The following GGNBP2 variants were observed in gnomAD, a reference collection of about 807,000 sequenced individuals.
GGNBP2 encodes gametogenetin-binding protein 2.
GGNBP2 carries 10 observed loss-of-function variants against 85.9 expected under a neutral mutation model. The ratio of observed to expected loss-of-function variants is 0.12; its 90% confidence interval spans 0.07 to 0.20. GGNBP2 has a LOEUF of 0.20. Among genes scored for constraint, GGNBP2 ranks in the 10% least tolerant of loss-of-function variants. The pLI is 1.00. For synonymous variants in GGNBP2, 287 were observed against 285.7 expected, an observed-to-expected ratio of 1.00 and a Z score of -0.05; for missense variants, 595 against 857.8, an observed-to-expected ratio of 0.69 and a Z score of 3.83.
chr17:36,550,741 G>A (rs1008048794), intron 2 of GGNBP2, among the ~76,000 whole-genome samples: 7 of 152,196 alleles, frequency 4.6e-5, no homozygotes. Context: ...TGCTAGCTAT[G>A]GGTAGGGAAC....
In GGNBP2 at chr17:36,578,206, T is replaced by C; in HGVS notation, c.845+20T>C. ...AGGAGGGTATGAGTATGTAATTTGC[T>C]AGAATGGGCTATCTAGCGCTTTGCT... On this transcript the variant is annotated intron_variant, in intron 7 of 13. Coordinates refer to ENST00000613102, the MANE Select transcript of GGNBP2 (RefSeq NM_024835.5). 6.3e-7 allele frequency: 1 copy of C among 1,576,250 alleles called. No homozygotes were observed. The highest frequency in any genetic ancestry group is 8.7e-7 in the Non-Finnish European group (1 of 1,152,930).
At chr17:36,573,323 G>A (rs2074545124) in intron 6 of GGNBP2, among the ~76,000 whole-genome samples, 1 of 152,074 alleles carries the variant, frequency 6.6e-6, no homozygotes, top group Non-Finnish European at 1.5e-5. Flanking sequence ...TTGTTGGTCA[G>A]GCTGGTCTTG....
At chr17:36,545,152 G>A (rs1205671769) in intron 1 of GGNBP2, 55 bp downstream of exon 1, 1 of 153,246 alleles carries the variant, frequency 6.5e-6, no homozygotes, top group African/African-American at 2.4e-5. Flanking sequence ...GCCGCTGCGG[G>A]GTCGATCCCT....
intron 7 of GGNBP2, 38 bp downstream of exon 7, chr17:36,578,224 G>A (rs1379095895): frequency 8.2e-6 from 12 of 1,458,888 alleles, no homozygotes; most frequent in South Asian, 2.4e-5. Context: ...GCTATCTAGC[G>A]CTTTGCTTCA....
chr17:36,576,600 TG>T (rs2074589912), intron 6 of GGNBP2: 1 of 78,012 alleles, frequency 1.3e-5, no homozygotes, highest in Non-Finnish European at 2.5e-5. Flanking sequence ...TATATATGTG[TG>T]TGTGTGTGTG....
At chr17:36,566,462 T>C (rs560434378) in intron 5 of GGNBP2, among the ~76,000 whole-genome samples, 48 of 151,612 alleles carry the variant, frequency 3.2e-4, no homozygotes, top group African/African-American at 1.1e-3. Flanking sequence ...GAGTCGGAGA[T>C]CAGCCTGGGC....
chr17:36,545,519 G>C (rs1348338341), intron 1 of GGNBP2, 100 bp from the exon 2 acceptor site: 4 of 472,256 alleles, frequency 8.5e-6, no homozygotes, highest in African/African-American at 4.1e-5. Flanking sequence ...GGGAAACGCA[G>C]CCCGGCTCTC....
intron 10 of GGNBP2, 126 bp from the exon 11 acceptor site, chr17:36,585,714 T>C: frequency 1.3e-6 from 1 of 798,322 alleles, no homozygotes; most frequent in African/African-American, 1.8e-5. Flanking sequence ...AATCCTTCAT[T>C]GGAAATGTTC....
intron 2 of GGNBP2, among the ~76,000 whole-genome samples, chr17:36,554,441 C>T (rs954510781): frequency 2.4e-5 from 3 of 127,236 alleles, no homozygotes; most frequent in Non-Finnish European, 4.7e-5. Context: ...GATTTCAGCT[C>T]GCTGCAACCT....
chr17:36,571,185 C>T (rs2074520529), intron 6 of GGNBP2, among the ~76,000 whole-genome samples: 1 of 152,112 alleles, frequency 6.6e-6, no homozygotes, highest in African/African-American at 2.4e-5. Context: ...ATAATTCCAA[C>T]ACTTTGGGAA....
rs888754101 is a variant in GGNBP2, at chr17:36,574,656, A to G, written c.642-3327A>G. The stretch of plus-strand genomic sequence containing the variant: ...GTATAGTTACCCAGGGCGGCAGTGT[A>G]GCCCCTGGCTAAGGTGTAGCAGTCA... On this transcript the variant is annotated intron_variant, in intron 6 of 13. Transcript: ENST00000613102. 7 of 596,498 alleles carry G rather than the reference A, an allele frequency of 1.2e-5. No individual in the cohort carries two copies. In the Admixed American group the frequency reaches 1.6e-4, roughly 14 times the overall value. 37.0% of individuals were successfully genotyped at this position (596,498 alleles called of 1,614,324 possible).
chr17:36,574,477 T>G (rs2074557098), intron 6 of GGNBP2: 1 of 268,620 alleles, frequency 3.7e-6, no homozygotes, highest in African/African-American at 2.2e-5. Context: ...TAGCCACAGC[T>G]GGAGCCTGGG....
chr17:36,582,912 A>G (rs1424625279), intron 9 of GGNBP2, among the ~76,000 whole-genome samples: 1 of 152,210 alleles, frequency 6.6e-6, no homozygotes, highest in Non-Finnish European at 1.5e-5. Flanking sequence ...GATAAATTTT[A>G]AGCTACTCCT....
At chr17:36,582,995 GTAT>G (rs903977631) in intron 9 of GGNBP2, among the ~76,000 whole-genome samples, 3 of 151,884 alleles carry the variant, frequency 2.0e-5, no homozygotes, top group Non-Finnish European at 4.4e-5. Context: ...GAGAAGAATG[GTAT>G]TATACTATAT....
intron 2 of GGNBP2, chr17:36,547,444 G>C (rs1283032253): frequency 6.6e-6 from 1 of 152,126 alleles, no homozygotes; most frequent in Non-Finnish European, 1.5e-5. Context: ...AAAACATAGG[G>C]AAAACCAACA....
intron 7 of GGNBP2, chr17:36,578,722 A>G: frequency 6.4e-6 from 1 of 155,190 alleles, no homozygotes; most frequent in Non-Finnish European, 1.4e-5. Context: ...TTCCTTTTGT[A>G]TTTAGGGTAT....
At chr17:36,577,728 AG>A in intron 6 of GGNBP2, 1 of 515,118 alleles carries the variant, frequency 1.9e-6, no homozygotes, top group Non-Finnish European at 3.5e-6. Flanking sequence ...ATGAAATAAT[AG>A]GTATGTATCT....
intron 8 of GGNBP2, among the ~76,000 whole-genome samples, chr17:36,581,086 C>T (rs946333839): frequency 6.6e-6 from 1 of 151,774 alleles, no homozygotes; most frequent in Admixed American, 6.6e-5. Flanking sequence ...AGATCGAGAC[C>T]ATCCTGGCTA....
intron 13 of GGNBP2, among the ~76,000 whole-genome samples, chr17:36,588,288 T>G (rs1006978018): frequency 1.3e-5 from 2 of 152,126 alleles, no homozygotes; most frequent in Non-Finnish European, 1.5e-5. Context: ...GGTGGAGTTT[T>G]GCTCTGTTGC....
Sources: gnomAD v4.1 joint callset for allele counts (sites outside exome capture counted in the v4.1 genomes callset) on GRCh38, gnomAD v4.1.1 for gene constraint, MANE v1.5 for transcripts, NCBI Gene and HGNC (gene_info 2026-07-23, HGNC 2026-07-21) for gene names.